Variants in SYNRG observed in about 807,000 individuals in gnomAD.
SYNRG encodes AP1 gamma subunit binding protein 1.
Under a neutral mutation model 130.9 loss-of-function variants are expected in SYNRG, and 37 were observed. That is an observed-to-expected ratio of 0.28 (90% confidence interval 0.22 to 0.37). The LOEUF (loss-of-function observed/expected upper bound fraction) is 0.37, where lower values mean the gene tolerates loss of function less well. Ranked by LOEUF, SYNRG falls within the 10% of genes least tolerant of loss-of-function variation. The pLI, the probability that SYNRG is intolerant of heterozygous loss-of-function variation, is 1.00. For synonymous variants in SYNRG, 539 were observed against 568.1 expected (o/e 0.95, Z 0.73); for missense variants, 1,338 against 1,588.9 (o/e 0.84, Z 2.68).
At chr17:37,596,994 A>G (rs1036966148) in intron 2 of SYNRG, among the ~76,000 whole-genome samples, 1 of 152,272 alleles carries the variant, frequency 6.6e-6, no homozygotes, top group Admixed American at 6.5e-5. Context: ...CACCCGCCTC[A>G]GCCTCCCAAA....
chr17:37,588,881 C>T (rs2061912769), intron 3 of SYNRG, among the ~76,000 whole-genome samples: 1 of 151,884 alleles, frequency 6.6e-6, no homozygotes, highest in Non-Finnish European at 1.5e-5. Flanking sequence ...TGCATATTGC[C>T]TTCTTATTTA....
At chr17:37,534,709 T>C (rs1416) in intron 19 of SYNRG, among the ~76,000 whole-genome samples, 27,689 of 152,042 alleles carry the variant, frequency 0.18, 3,145 homozygotes, top group East Asian at 0.59. Context: ...AGAAAAAGTT[T>C]TGGAAATTAC....
chr17:37,596,180 A>G, intron 3 of SYNRG, 43 bp downstream of exon 3: 5 of 1,604,834 alleles, frequency 3.1e-6, no homozygotes, highest in Non-Finnish European at 4.3e-6. Context: ...AAACGTAACA[A>G]CAAACAATAA....
At chr17:37,521,120 C>T (rs1288707555) in intron 19 of SYNRG, among the ~76,000 whole-genome samples, 1 of 151,512 alleles carries the variant, frequency 6.6e-6, no homozygotes, top group Non-Finnish European at 1.5e-5. Context: ...GCAACCTCTG[C>T]CTCCCGGGTT....
chr17:37,571,565 G>A (rs1015041871), intron 9 of SYNRG, among the ~76,000 whole-genome samples: 1 of 152,152 alleles, frequency 6.6e-6, no homozygotes, highest in Non-Finnish European at 1.5e-5. Flanking sequence ...CTGGGCAACA[G>A]AATGAGACTC....
Position 37,577,435 on chromosome 17 carries a change from G to C in SYNRG, c.768C>G (p.Thr256=), listed in dbSNP as rs542319081. The C allele has an allele frequency of 1.2e-6, 2 of 1,614,086 alleles. No individual in the cohort carries two copies. Among genetic ancestry groups the C allele is most frequent in the Non-Finnish European group, 1.7e-6 (2 of 1,180,034 alleles). Residue 256 remains threonine, a synonymous_variant, in exon 7 of 22, where the codon ACC becomes ACG. Transcript: ENST00000612223. ...AAGTATTTTCTGCCTCTGCAGTGGT[G>C]GTACCACTTACACATCCATCTACAG... is the stretch of plus-strand genomic sequence containing the variant. The part of the protein sequence containing the change: ...GVAVDGCVSG[T]TTAEAENTSD...
intron 12 of SYNRG, 35 bp from the exon 13 acceptor site, chr17:37,561,292 A>G (rs773348370): frequency 6.2e-7 from 1 of 1,604,564 alleles, no homozygotes; most frequent in Admixed American, 1.7e-5. Flanking sequence ...AGTTAAGGTT[A>G]GGAATCTTGA....
rs552363928 is a variant in SYNRG at position 37,514,873 on chromosome 17, A to G, written c.*4067T>C. 2 of 152,232 alleles carry G rather than the reference A, an allele frequency of 1.3e-5. No homozygotes were observed. The highest frequency in any genetic ancestry group is 4.8e-5 in the African/African-American group (2 of 41,464). 9.4% of individuals were successfully genotyped at this position (152,232 alleles called of 1,614,324 possible). On this transcript the variant is annotated 3_prime_UTR_variant, in exon 22 of 22. Coordinates refer to ENST00000612223, the MANE Select transcript of SYNRG (RefSeq NM_007247.6). ...GGTGATTTCAGAACAGACCCTGAAAATATTTTAAAGGTAAAGCTTTATAAT... is the reference window on the plus strand; with the variant it reads ...GGTGATTTCAGAACAGACCCTGAAAGTATTTTAAAGGTAAAGCTTTATAAT...
intron 19 of SYNRG, among the ~76,000 whole-genome samples, chr17:37,526,716 TTCTC>T (rs2144092850): frequency 6.6e-6 from 1 of 152,308 alleles, no homozygotes; most frequent in East Asian, 1.9e-4. Context: ...CACTCTCTTC[TTCTC>T]TCTGCTTCTG....
At chr17:37,599,204 C>G (rs4239216) in intron 2 of SYNRG, among the ~76,000 whole-genome samples, 75,166 of 151,994 alleles carry the variant, frequency 0.49, 20,726 homozygotes, top group African/African-American at 0.75. Flanking sequence ...CTTGGTGTGA[C>G]GGGAGAGGGA....
intron 14 of SYNRG, among the ~76,000 whole-genome samples, chr17:37,549,128 T>A (rs1309864045): frequency 7.1e-6 from 1 of 141,308 alleles, no homozygotes; most frequent in African/African-American, 2.6e-5. Context: ...AGAAACCTGG[T>A]CTCAAAAAAA....
rs752038810 is a variant in SYNRG at position 37,540,451 on chromosome 17, T to C, written c.3295A>G (p.Asn1099Asp). Residue 1099 changes from asparagine (N) to aspartate (D), a missense_variant, in exon 16 of 22, where the codon AAT becomes GAT. Coordinates refer to ENST00000612223, the MANE Select transcript of SYNRG (RefSeq NM_007247.6). The stretch of plus-strand genomic sequence containing the variant: ...AGGGCGGGCTTCTCATTCAGAGTAT[T>C]GGAACGGTCTCTGAAAGGCTGCTCC... ...ALEQPFRDRSNTLNEKPALPV... is the reference protein window; with the variant it reads ...ALEQPFRDRSDTLNEKPALPV... 1.9e-6 allele frequency: 3 copies of C among 1,613,976 alleles called. No homozygotes were observed. Among genetic ancestry groups the C allele is most frequent in the Non-Finnish European group, 2.5e-6 (3 of 1,179,984 alleles).
At chr17:37,556,975 G>C (rs550801556) in intron 13 of SYNRG, among the ~76,000 whole-genome samples, 7 of 152,148 alleles carry the variant, frequency 4.6e-5, no homozygotes, top group South Asian at 2.1e-4. Context: ...CTTTTCCATT[G>C]GAAATGTAAG....
At chr17:37,541,010 A>G (rs146667960) in intron 15 of SYNRG, 101 of 986,882 alleles carry the variant, frequency 1.0e-4, no homozygotes, top group Middle Eastern at 5.2e-4. Context: ...CTGGGAAGCT[A>G]CATGTTAAAT....
intron 14 of SYNRG, among the ~76,000 whole-genome samples, chr17:37,547,580 AG>A (rs2058381730): frequency 6.6e-6 from 1 of 151,560 alleles, no homozygotes; most frequent in South Asian, 2.1e-4. Flanking sequence ...CTCGTGCCTC[AG>A]CCCCCCGAGT....
intron 16 of SYNRG, among the ~76,000 whole-genome samples, 156 bp downstream of exon 16, chr17:37,540,224 T>G (rs2057617006): frequency 6.6e-6 from 1 of 152,246 alleles, no homozygotes; most frequent in Non-Finnish European, 1.5e-5. Flanking sequence ...AGGGCTAATG[T>G]TACCCTTGCC....
At chr17:37,608,223 C>T (rs2063985533) in intron 1 of SYNRG, among the ~76,000 whole-genome samples, 1 of 152,088 alleles carries the variant, frequency 6.6e-6, no homozygotes, top group Non-Finnish European at 1.5e-5. Flanking sequence ...CTGACAAGCA[C>T]CTGCAAGAGG....
intron 18 of SYNRG, chr17:37,537,344 G>A (rs1252946624): frequency 1.3e-5 from 2 of 152,344 alleles, no homozygotes; most frequent in African/African-American, 4.8e-5. Context: ...AAAACAACAA[G>A]TAGCTAGGTG....
chr17:37,587,231 C>G (rs1026265856), intron 3 of SYNRG, among the ~76,000 whole-genome samples: 2 of 152,168 alleles, frequency 1.3e-5, no homozygotes, highest in Non-Finnish European at 2.9e-5. Flanking sequence ...ACTGCAGCCT[C>G]CAACTCTTGG....
Sources: gnomAD v4.1 joint callset for allele counts (sites outside exome capture counted in the v4.1 genomes callset) on GRCh38, gnomAD v4.1.1 for gene constraint, MANE v1.5 for transcripts, NCBI Gene and HGNC (gene_info 2026-07-23, HGNC 2026-07-21) for gene names.